SORCS3: variants seen among roughly 807,000 people sequenced by gnomAD.
SORCS3 encodes the protein sortilin related VPS10 domain containing receptor 3.
SORCS3 carries 57 observed loss-of-function variants against 146.3 expected under a neutral mutation model. That is an observed-to-expected ratio of 0.39 (90% CI 0.31 to 0.49). The LOEUF (loss-of-function observed/expected upper bound fraction) is 0.49. Among genes scored for constraint, SORCS3 ranks in the 20% least tolerant of loss-of-function variants. The pLI, the probability that SORCS3 is intolerant of heterozygous loss-of-function variation, is 0.92. For missense variants in SORCS3, 1,341 were observed against 1,575.5 expected (o/e 0.85, Z 2.52); for synonymous variants, 653 against 618.5 (o/e 1.06, Z -0.83).
chr10:105,151,992 G>A (rs1430054275), intron 9 of SORCS3, among the ~76,000 whole-genome samples: 1 of 152,104 alleles, frequency 6.6e-6, no homozygotes, highest in Non-Finnish European at 1.5e-5. Flanking sequence ...CATTATTCTC[G>A]TAACACTCTT....
At chr10:104,718,457 A>G (rs774739095) in intron 1 of SORCS3, among the ~76,000 whole-genome samples, 4 of 151,982 alleles carry the variant, frequency 2.6e-5, no homozygotes, top group Non-Finnish European at 5.9e-5. Flanking sequence ...ACCTCTCAAC[A>G]CTGTTGCATT....
chr10:104,684,560 G>T (rs2016018948), intron 1 of SORCS3, among the ~76,000 whole-genome samples: 1 of 152,156 alleles, frequency 6.6e-6, no homozygotes, highest in South Asian at 2.1e-4. Context: ...CGGTGTGTTT[G>T]TGGCTCCTCA....
At chr10:105,114,070 T>G (rs1174158244) in intron 7 of SORCS3, among the ~76,000 whole-genome samples, 3 of 152,152 alleles carry the variant, frequency 2.0e-5, no homozygotes, top group Non-Finnish European at 4.4e-5. Flanking sequence ...CCTTTAGTAA[T>G]AAGATTCATA....
At chr10:104,645,443 C>T (rs149235375) in intron 1 of SORCS3, among the ~76,000 whole-genome samples, 3 of 152,330 alleles carry the variant, frequency 2.0e-5, no homozygotes, top group African/African-American at 7.2e-5. Context: ...TCCACACCCC[C>T]TCCTTCTTGG....
At chr10:104,897,050 C>T (rs922144172) in intron 2 of SORCS3, among the ~76,000 whole-genome samples, 1 of 152,154 alleles carries the variant, frequency 6.6e-6, no homozygotes, top group Non-Finnish European at 1.5e-5. Context: ...TTGGGTGCTG[C>T]TCATACAGTG....
chr10:104,806,779 C>T (rs1475434399), intron 1 of SORCS3, among the ~76,000 whole-genome samples: 1 of 152,154 alleles, frequency 6.6e-6, no homozygotes, highest in Non-Finnish European at 1.5e-5. Context: ...ACAAAGAAAT[C>T]ATAAAGATAG....
At chr10:105,220,436 G>A (rs1230598829) in intron 19 of SORCS3, among the ~76,000 whole-genome samples, 2 of 152,104 alleles carry the variant, frequency 1.3e-5, no homozygotes, top group Non-Finnish European at 2.9e-5. Context: ...AGCTTTCACT[G>A]AGCCAAGGCC....
intron 4 of SORCS3, among the ~76,000 whole-genome samples, chr10:104,982,494 C>T (rs1589578308): frequency 6.6e-6 from 1 of 152,160 alleles, no homozygotes; most frequent in Admixed American, 6.5e-5. Context: ...TGGGGATTAA[C>T]TAGGGATGAC....
chr10:105,026,701 ATTATAC>A (rs1425121770), intron 4 of SORCS3, among the ~76,000 whole-genome samples: 5 of 152,234 alleles, frequency 3.3e-5, no homozygotes, highest in Non-Finnish European at 7.3e-5. Flanking sequence ...GCTGGAGACC[ATTATAC>A]TAAGTGAATT....
At chr10:104,665,745 T>G (rs1357952129) in intron 1 of SORCS3, 1 of 152,260 alleles carries the variant, frequency 6.6e-6, no homozygotes, top group African/African-American at 2.4e-5. Context: ...ACAAGGTGGT[T>G]TGAGTTTCTC....
chr10:105,054,618 A>G (rs2059718766), intron 5 of SORCS3, among the ~76,000 whole-genome samples: 1 of 151,532 alleles, frequency 6.6e-6, no homozygotes, highest in Non-Finnish European at 1.5e-5. Context: ...CTTTTCACTT[A>G]ATTCTGTGCC....
intron 8 of SORCS3, among the ~76,000 whole-genome samples, chr10:105,142,812 G>T (rs2056104866): frequency 6.6e-6 from 1 of 152,050 alleles, no homozygotes; most frequent in African/African-American, 2.4e-5. Context: ...CTAAGTCTGG[G>T]TTCATTTTTT....
In SORCS3 at chr10:105,036,856, A is replaced by G. The variant is rs558826585; in HGVS notation, c.955-6199A>G. On this transcript the variant is annotated intron_variant, in intron 4 of 26. Transcript: ENST00000369701. Reference sequence around the variant, plus strand: ...CCAGCCTCATTTTATTTGAAAGACAAAAGACCATCATGAACACAATACAGC... The same window carrying G: ...CCAGCCTCATTTTATTTGAAAGACAGAAGACCATCATGAACACAATACAGC... Among the ~76,000 whole-genome samples the G allele has an allele frequency of 3.4e-4, 52 of 152,304 alleles. 2 individuals are homozygous for G. The South Asian group carries it at 0.011, about 31-fold the overall frequency.
intron 2 of SORCS3, among the ~76,000 whole-genome samples, chr10:104,859,737 C>T (rs550593668): frequency 6.6e-6 from 1 of 152,194 alleles, no homozygotes; most frequent in South Asian, 2.1e-4. Context: ...AAGCAAACAA[C>T]CCCATCAAAA....
chr10:104,778,166 C>T (rs2017331570), intron 1 of SORCS3, among the ~76,000 whole-genome samples: 1 of 152,116 alleles, frequency 6.6e-6, no homozygotes, highest in Non-Finnish European at 1.5e-5. Context: ...GATGGATATC[C>T]CAATTACCCT....
intron 1 of SORCS3, among the ~76,000 whole-genome samples, chr10:104,724,619 G>C (rs2016599429): frequency 6.6e-6 from 1 of 152,268 alleles, no homozygotes; most frequent in South Asian, 2.1e-4. Flanking sequence ...ACACCAATCA[G>C]ACGTAGATTT....
At chr10:104,918,452 A>C (rs1224762986) in intron 3 of SORCS3, among the ~76,000 whole-genome samples, 1 of 152,218 alleles carries the variant, frequency 6.6e-6, no homozygotes, top group African/African-American at 2.4e-5. Context: ...GTAGGGGTTC[A>C]AAATTGCTTT....
At position 104,890,702 on chromosome 10, in the gene SORCS3, G is replaced by T. The variant is rs1166123140; in HGVS notation, c.696-25131G>T. ...GTTTTCAGTAAGTTTTGTCAACATTGGTAATATTGACATTTTTCAGTGGCT... is the reference window on the plus strand; with the variant it reads ...GTTTTCAGTAAGTTTTGTCAACATTTGTAATATTGACATTTTTCAGTGGCT... On this transcript the variant is annotated intron_variant, in intron 2 of 26. Transcript: ENST00000369701. 2.0e-5 allele frequency among the ~76,000 whole-genome samples: 3 copies of T among 152,228 alleles called. No individual in the cohort carries two copies. The East Asian group carries it at 5.8e-4, about 29-fold the overall frequency.
intron 22 of SORCS3, among the ~76,000 whole-genome samples, chr10:105,250,465 A>G (rs1312218251): frequency 6.6e-6 from 1 of 152,154 alleles, no homozygotes; most frequent in African/African-American, 2.4e-5. Flanking sequence ...ACAAGGACCA[A>G]TCACTCGTAT....
Sources: allele counts gnomAD v4.1 joint callset (sites outside exome capture counted in the v4.1 genomes callset), GRCh38; gene constraint gnomAD v4.1.1; transcripts MANE v1.5; gene names NCBI Gene and HGNC (gene_info 2026-07-23, HGNC 2026-07-21).